ZNFX1: variants seen among roughly 807,000 people sequenced by gnomAD.
ZNFX1 encodes the protein NFX1-type zinc finger-containing protein 1.
Under a neutral mutation model 179.8 loss-of-function variants are expected in ZNFX1, and 78 were observed. The observed-to-expected ratio is 0.43, with a 90% CI of 0.36 to 0.52. The LOEUF (loss-of-function observed/expected upper bound fraction) is 0.52, where lower values mean the gene tolerates loss of function less well. Among genes scored for constraint, ZNFX1 ranks in the 20% least tolerant of loss-of-function variants. The pLI is 0.00. For missense variants in ZNFX1, 1,927 were observed against 2,386.6 expected (o/e 0.81, Z 4.01); for synonymous variants, 848 against 868.5 (o/e 0.98, Z 0.42).
intron 3 of ZNFX1, among the ~76,000 whole-genome samples, chr20:49,266,962 T>A (rs777974287): frequency 2.0e-5 from 3 of 152,186 alleles, no homozygotes; most frequent in Non-Finnish European, 4.4e-5. Context: ...AATGGTGTGA[T>A]CTTGGCTCAC....
In ZNFX1 at chr20:49,255,854, C is replaced by T. The variant is rs1053489504; in HGVS notation, c.2758G>A (p.Glu920Lys). 3.7e-6 allele frequency: 6 copies of T among 1,613,974 alleles called. No individual in the cohort carries two copies. The highest frequency in any genetic ancestry group is 1.3e-5 in the African/African-American group (1 of 74,912). Residue 920 changes from glutamate to lysine, a missense_variant, in exon 9 of 14, where the codon GAG becomes AAG. By Grantham distance (56) the Glu-to-Lys change is moderately conservative. Coordinates refer to ENST00000396105, the MANE Select transcript of ZNFX1 (RefSeq NM_021035.3). ...TMTAAEANEI[E>K]DVWQLDLSSR... ...CTGAGGTCCAGCTGCCAAACATCCT[C>T]GATCTCGTTGGCCTCGGCTGCAGTC...
At chr20:49,264,509 A>G (rs1488451223) in intron 5 of ZNFX1, among the ~76,000 whole-genome samples, 1 of 152,122 alleles carries the variant, frequency 6.6e-6, no homozygotes, top group East Asian at 1.9e-4. Context: ...GGGGATGGGC[A>G]GTGTTTCCTT....
intron 6 of ZNFX1, among the ~76,000 whole-genome samples, chr20:49,262,240 C>A (rs1981131195): frequency 6.6e-6 from 1 of 151,344 alleles, no homozygotes; most frequent in African/African-American, 2.4e-5. Flanking sequence ...TGTGGTGAAA[C>A]CCTGTCTCTA....
At chr20:49,267,495 T>TTTA (rs1555883661) in intron 3 of ZNFX1, among the ~76,000 whole-genome samples, 3 of 151,768 alleles carry the variant, frequency 2.0e-5, no homozygotes, top group African/African-American at 7.2e-5. Flanking sequence ...TTTTTTTTTT[T>TTTA]AAATCATGAG....
Position 49,257,794 on chromosome 20 carries a change from T to C in ZNFX1, c.2417-130A>G, listed in dbSNP as rs1231467374. 6 of 1,402,182 alleles carry C rather than the reference T, an allele frequency of 4.3e-6. No homozygotes were observed. The African/African-American group carries it at 5.8e-5, about 14-fold the overall frequency. 86.9% of individuals were successfully genotyped at this position (1,402,182 alleles called of 1,614,324 possible). Reference sequence around the variant, plus strand: ...TTGGCTCATTGCAACCTCTGCCTCCTGGGTTCAAGTGATTCTCCGGCCTCA... The same window carrying C: ...TTGGCTCATTGCAACCTCTGCCTCCCGGGTTCAAGTGATTCTCCGGCCTCA... On this transcript the variant is annotated intron_variant, in intron 7 of 13. Coordinates refer to ENST00000396105, the MANE Select transcript of ZNFX1 (RefSeq NM_021035.3).
At chr20:49,266,668 A>G (rs527575723) in intron 3 of ZNFX1, among the ~76,000 whole-genome samples, 1 of 61,040 alleles carries the variant, frequency 1.6e-5, no homozygotes. Context: ...CATCCCCCCC[A>G]CCCCCCCCTT....
chr20:49,248,624 C>T lies in ZNFX1; in HGVS notation c.4400G>A (p.Arg1467His), dbSNP rs754073696. The stretch of plus-strand genomic sequence containing the variant: ...GCACTTGTGTGAGCAGATAAGCAGG[C>T]GCTTGCAGGGCTGCTGACAGCGTTC... The part of the protein sequence containing the change: ...FHERCQQPCK[R>H]LLICSHKCQE... The change falls in exon 14 of 14, where the codon CGC becomes CAC. Residue 1467 changes from arginine (R) to histidine (H), a missense_variant. Coordinates refer to ENST00000396105, the MANE Select transcript of ZNFX1 (RefSeq NM_021035.3). The surrounding 1 kb of genome is among the most constrained non-coding windows in gnomAD (Gnocchi z 4.6). 1.1e-5 allele frequency: 18 copies of T among 1,613,906 alleles called. No individual in the cohort carries two copies. Among genetic ancestry groups the T allele is most frequent in the East Asian group, 1.1e-4 (5 of 44,896 alleles).
At chr20:49,251,206 G>A (rs1361119884) in intron 13 of ZNFX1, among the ~76,000 whole-genome samples, 1 of 151,676 alleles carries the variant, frequency 6.6e-6, no homozygotes, top group Non-Finnish European at 1.5e-5. Context: ...AGCATGGCAC[G>A]ATCTCAGCTC....
rs754816053 is a variant in ZNFX1 at position 49,271,182 on chromosome 20, T to C, written c.630A>G (p.Ile210Met). ...CTTTGAGAAATTTGGAGTTTTTCAA[T>C]ATGCCCAGTACATGGAGAACACTCT... The part of the protein sequence containing the change: ...DRQSVLHVLG[I>M]LKNSKFLKVC... Residue 210 changes from isoleucine to methionine, a missense_variant, in exon 3 of 14, where the codon ATA becomes ATG. Coordinates refer to ENST00000396105, the MANE Select transcript of ZNFX1 (RefSeq NM_021035.3). 2.0e-5 allele frequency: 33 copies of C among 1,614,008 alleles called. No homozygotes were observed. In the South Asian group the frequency reaches 2.5e-4, roughly 12 times the overall value.
At chr20:49,251,692 G>A in intron 12 of ZNFX1, 70 bp from the exon 13 acceptor site, 1 of 1,387,374 alleles carries the variant, frequency 7.2e-7, no homozygotes, top group South Asian at 1.3e-5. Context: ...TAAAGATAAG[G>A]TTGCTGTTAG....
intron 6 of ZNFX1, 60 bp downstream of exon 6, chr20:49,263,274 G>A (rs1334790839): frequency 2.0e-5 from 31 of 1,579,834 alleles, no homozygotes; most frequent in Non-Finnish European, 2.6e-5. Flanking sequence ...GCTTCTCCTG[G>A]AGGCTACCTC....
At chr20:49,272,474 G>T (rs144872746) in intron 2 of ZNFX1, among the ~76,000 whole-genome samples, 5 of 152,276 alleles carry the variant, frequency 3.3e-5, no homozygotes, top group Admixed American at 3.3e-4. Flanking sequence ...GTAAGCCACC[G>T]TGCCTGGTGG....
intron 3 of ZNFX1, among the ~76,000 whole-genome samples, chr20:49,267,288 G>T (rs888539858): frequency 4.6e-5 from 7 of 152,128 alleles, no homozygotes; most frequent in Non-Finnish European, 8.8e-5. Flanking sequence ...GATAATCAAA[G>T]ATTTCACTAC....
rs1257584882 is a variant in ZNFX1 at position 49,247,180 on chromosome 20, AAT to A, written c.*85_*86del. On this transcript the variant is annotated 3_prime_UTR_variant, in exon 14 of 14. Coordinates refer to ENST00000396105, the MANE Select transcript of ZNFX1 (RefSeq NM_021035.3). ...CTGCGCCCAGCCTAAAAAGGATGAT[AAT>A]AAAAAACAAACTTCAGTTCCTTCAT... 7 of 1,507,590 alleles carry A rather than the reference AAT, an allele frequency of 4.6e-6. No homozygotes were observed. Among genetic ancestry groups the A allele is most frequent in the Non-Finnish European group, 6.2e-6 (7 of 1,124,484 alleles). The allele number at this position is 1,507,590 out of a possible 1,614,324, so 93.4% of individuals were successfully genotyped here.
chr20:49,264,549 A>C (rs143091536), intron 5 of ZNFX1, among the ~76,000 whole-genome samples, 167 bp downstream of exon 5: 3 of 152,162 alleles, frequency 2.0e-5, no homozygotes, highest in Non-Finnish European at 2.9e-5. Context: ...TTGTGAAGGC[A>C]AAGGTCATAC....
chr20:49,263,706 T>G (rs940623725), intron 5 of ZNFX1, among the ~76,000 whole-genome samples: 6 of 152,204 alleles, frequency 3.9e-5, no homozygotes, highest in African/African-American at 1.4e-4. Flanking sequence ...TACCAGCATT[T>G]TAGGAGGCCA....
rs754159006 is a variant in ZNFX1, at chr20:49,270,211, C to T, written c.1601G>A (p.Arg534Lys). ...ATGAGAGTTACACTCCACGATATTC[C>T]TCTGGAAGGGAACATCTTCCTCCTG... ...EVQEEDVPFQ[R>K]NIVECNSHVK... is the part of the protein sequence containing the mutation. Residue 534 changes from arginine to lysine, a missense_variant, in exon 3 of 14, where the codon AGG becomes AAG. By Grantham distance (26) the Arg-to-Lys change is conservative. Transcript: ENST00000396105. This position sits in a 1 kb window ranked among gnomAD's most constrained non-coding sequence, Gnocchi z 4.6. 22 of 1,613,918 alleles carry T rather than the reference C, an allele frequency of 1.4e-5. No homozygotes were observed. The highest frequency in any genetic ancestry group is 1.9e-5 in the Non-Finnish European group (22 of 1,180,050).
intron 2 of ZNFX1, among the ~76,000 whole-genome samples, chr20:49,273,913 G>C (rs1011228194): frequency 6.6e-6 from 1 of 152,226 alleles, no homozygotes; most frequent in Admixed American, 6.5e-5. Flanking sequence ...CTGGGCAACA[G>C]AGCAAGACCC....
Position 49,271,569 on chromosome 20 carries a change from C to G in ZNFX1, c.243G>C (p.Arg81Ser). The G allele has an allele frequency of 1.2e-6, 2 of 1,614,174 alleles. No homozygotes were observed. The highest frequency in any genetic ancestry group is 1.7e-6 in the Non-Finnish European group (2 of 1,180,022). The change falls in exon 3 of 14, where the codon AGG becomes AGC. Residue 81 changes from arginine (R) to serine (S), a missense_variant. Physicochemically the swap from Arg to Ser is moderately radical, Grantham distance 110. Coordinates refer to ENST00000396105, the MANE Select transcript of ZNFX1 (RefSeq NM_021035.3). ...CGCTGGCATGCCCCTCCTGGTTCCT[C>G]CTTCCTTGATGTGGGTTCCTGCCCA... is the stretch of plus-strand genomic sequence containing the variant. ...RAMGRNPHQG[R>S]RNQEGHASDE... is the part of the protein sequence containing the mutation.
Sources: allele counts gnomAD v4.1 joint callset (sites outside exome capture counted in the v4.1 genomes callset), GRCh38; gene constraint gnomAD v4.1.1; non-coding constraint Gnocchi (gnomAD v3.1); transcripts MANE v1.5; gene names NCBI Gene and HGNC (gene_info 2026-07-23, HGNC 2026-07-21).